The following SLC27A6 variants were observed in gnomAD, a reference collection of about 807,000 sequenced individuals.
SLC27A6 encodes the protein long-chain fatty acid transport protein 6.
SLC27A6 carries 74 observed loss-of-function variants against 63.9 expected under a neutral mutation model. The observed-to-expected ratio is 1.16, with a 90% CI of 0.96 to 1.40. SLC27A6 has a LOEUF of 1.40. Ranked by LOEUF, SLC27A6 falls within the 40% of genes most tolerant of loss-of-function variation. The probability of loss-of-function intolerance (pLI) is 0.00; values close to 1 mark genes in which losing one functional copy is unlikely to be tolerated. For synonymous variants in SLC27A6, 287 were observed against 260.8 expected (o/e 1.10, Z -0.97); for missense variants, 794 against 732.9 (o/e 1.08, Z -0.96).
intron 4 of SLC27A6, among the ~76,000 whole-genome samples, chr5:129,000,331 T>A (rs3851465): frequency 4.6e-5 from 7 of 152,022 alleles, no homozygotes; most frequent in Non-Finnish European, 1.0e-4. Flanking sequence ...AGTTCCATTA[T>A]GTATTATTAT....
chr5:128,972,033 G>C (rs1293850687), intron 1 of SLC27A6, among the ~76,000 whole-genome samples: 1 of 152,084 alleles, frequency 6.6e-6, no homozygotes, highest in Admixed American at 6.6e-5. Flanking sequence ...GCTTAGTTTG[G>C]CTGGATATGA....
In SLC27A6 at chr5:129,033,192, A is replaced by T; in HGVS notation, c.1770A>T (p.Pro590=). The T allele has an allele frequency of 6.2e-7, 1 of 1,607,780 alleles. No individual in the cohort carries two copies. Among genetic ancestry groups the T allele is most frequent in the Non-Finnish European group, 8.5e-7 (1 of 1,176,340 alleles). The change falls in exon 10 of 10, where the codon CCA becomes CCT. Residue 590 remains proline (P), a synonymous_variant. Transcript: ENST00000262462. ...DGFNPLKISE[P]LYFMDNLKKS... is the part of the protein sequence containing the mutation. ...TTAATCCACTGAAAATTTCTGAACC[A>T]CTTTACTTCATGGATAACTTGAAAA...
intron 2 of SLC27A6, among the ~76,000 whole-genome samples, chr5:128,987,987 A>G (rs1002997320): frequency 6.6e-6 from 1 of 152,186 alleles, no homozygotes; most frequent in Non-Finnish European, 1.5e-5. Flanking sequence ...AGTAAAAGTC[A>G]TCATGATATT....
chr5:128,972,924 T>A (rs1453991612), intron 1 of SLC27A6, among the ~76,000 whole-genome samples: 8 of 152,356 alleles, frequency 5.3e-5, no homozygotes, highest in Non-Finnish European at 1.2e-4. Context: ...TGGTCTTTGA[T>A]GATGGTGACC....
Position 129,029,652 on chromosome 5 carries a change from A to T in SLC27A6, c.1628A>T (p.Glu543Val). 1 of 1,601,752 alleles carries T rather than the reference A, an allele frequency of 6.2e-7. No homozygotes were observed. Among genetic ancestry groups the T allele is most frequent in the African/African-American group, 1.3e-5 (1 of 74,228 alleles). ...NTSLDLEKVY[E>V]QVVTFLPAYA... ...TCTTTAGATTTGGAAAAAGTTTATG[A>T]ACAAGTTGTAACATTTCTACCAGCT... is the stretch of plus-strand genomic sequence containing the variant. The change falls in exon 9 of 10, where the codon GAA (glutamate) becomes GTA (valine). Residue 543 changes from glutamate to valine, a missense_variant. Coordinates refer to ENST00000262462, the MANE Select transcript of SLC27A6 (RefSeq NM_001017372.3).
chr5:128,999,186 C>T (rs937206502), intron 4 of SLC27A6, among the ~76,000 whole-genome samples: 2 of 152,154 alleles, frequency 1.3e-5, no homozygotes, highest in Non-Finnish European at 2.9e-5. Context: ...GACTAGAACA[C>T]GGGGTGCTCT....
chr5:129,009,026 C>T (rs548240996), intron 4 of SLC27A6, among the ~76,000 whole-genome samples: 1 of 152,082 alleles, frequency 6.6e-6, no homozygotes, highest in Non-Finnish European at 1.5e-5. Context: ...ACTACCACGC[C>T]CAACTAATTT....
rs556658072 is a variant in SLC27A6, at chr5:129,029,522, T to C, written c.1553-55T>C. The C allele has an allele frequency of 9.3e-5, 114 of 1,228,906 alleles. No homozygotes were observed. In the African/African-American group the frequency reaches 1.2e-3, roughly 13 times the overall value. 76.1% of individuals were successfully genotyped at this position (1,228,906 alleles called of 1,614,324 possible). On this transcript the variant is annotated intron_variant, in intron 8 of 9. Transcript: ENST00000262462. The stretch of plus-strand genomic sequence containing the variant: ...GTGCCAATTAGCATGTACAGAATTA[T>C]CTTTTAAAGTTTATTTGGTACTTAA...
chr5:129,025,859 G>C lies in SLC27A6; in HGVS notation c.1256-1274G>C, dbSNP rs371115052. On this transcript the variant is annotated intron_variant, in intron 6 of 9. Coordinates refer to ENST00000262462, the MANE Select transcript of SLC27A6 (RefSeq NM_001017372.3). Reference sequence around the variant, plus strand: ...GGAGTCGAGTAAAGACTGTTGGCTGGGTGCGGTGGCTCACGCCAGTAATCC... The same window carrying C: ...GGAGTCGAGTAAAGACTGTTGGCTGCGTGCGGTGGCTCACGCCAGTAATCC... Among the ~76,000 whole-genome samples the C allele has an allele frequency of 1.9e-4, 29 of 152,266 alleles. 1 individual carries two copies. The East Asian group carries it at 5.2e-3, about 27-fold the overall frequency.
rs540341240 is a variant in SLC27A6, at chr5:129,027,985, A to G, written c.1455-360A>G. On this transcript the variant is annotated intron_variant, in intron 7 of 9. Coordinates refer to ENST00000262462, the MANE Select transcript of SLC27A6 (RefSeq NM_001017372.3). ...GGTCAGTGTCCTAAAAGACAACTAG[A>G]GCTTTGCTTTCAATTCTTAACACCA... is the stretch of plus-strand genomic sequence containing the variant. Among the ~76,000 whole-genome samples, 21 of 152,198 alleles carry G rather than the reference A, an allele frequency of 1.4e-4. No homozygotes were observed. In the South Asian group the frequency reaches 4.1e-3, roughly 30 times the overall value.
chr5:129,002,581 C>A (rs1445736404), intron 4 of SLC27A6, among the ~76,000 whole-genome samples: 2 of 144,926 alleles, frequency 1.4e-5, no homozygotes, highest in African/African-American at 2.5e-5. Flanking sequence ...TTCGTTCCTT[C>A]CTTCCATAAA....
At chr5:128,986,390 A>G (rs1750786790) in intron 2 of SLC27A6, among the ~76,000 whole-genome samples, 1 of 152,236 alleles carries the variant, frequency 6.6e-6, no homozygotes, top group Non-Finnish European at 1.5e-5. Context: ...TATTAATGGT[A>G]GCCTAAATAG....
intron 1 of SLC27A6, among the ~76,000 whole-genome samples, chr5:128,974,307 A>C (rs948114299): frequency 9.9e-5 from 15 of 152,248 alleles, no homozygotes; most frequent in African/African-American, 3.1e-4. Context: ...GTATTTAAAA[A>C]AGCCACTTTG....
intron 9 of SLC27A6, among the ~76,000 whole-genome samples, chr5:129,032,537 G>A (rs896874953): frequency 6.6e-6 from 1 of 151,964 alleles, no homozygotes; most frequent in Non-Finnish European, 1.5e-5. Flanking sequence ...GTTTGTGACT[G>A]GTGACTAACA....
chr5:128,974,361 G>A lies in SLC27A6; in HGVS notation c.481+7743G>A, dbSNP rs148009440. ...CCAAGACTATTTAGTTGATTGGCTCGGTAAGTAGGTCACTGGAGAAGTCAC... is the reference window on the plus strand; with the variant it reads ...CCAAGACTATTTAGTTGATTGGCTCAGTAAGTAGGTCACTGGAGAAGTCAC... On this transcript the variant is annotated intron_variant, in intron 1 of 9. Transcript: ENST00000262462. 2.2e-3 allele frequency among the ~76,000 whole-genome samples: 342 copies of A among 152,172 alleles called. 2 individuals carry two copies. Among genetic ancestry groups the A allele is most frequent in the African/African-American group, 7.6e-3 (317 of 41,506 alleles).
chr5:128,977,064 C>A, intron 1 of SLC27A6, among the ~76,000 whole-genome samples: 1 of 152,148 alleles, frequency 6.6e-6, no homozygotes, highest in Non-Finnish European at 1.5e-5. Flanking sequence ...CATATCACCA[C>A]CCTCAAAACC....
intron 4 of SLC27A6, among the ~76,000 whole-genome samples, chr5:129,001,084 T>C (rs1236669647): frequency 6.6e-6 from 1 of 152,208 alleles, no homozygotes; most frequent in African/African-American, 2.4e-5. Context: ...CTGTCATCTC[T>C]GAAACCACGG....
intron 1 of SLC27A6, among the ~76,000 whole-genome samples, chr5:128,978,716 A>C (rs1015662003): frequency 6.6e-6 from 1 of 152,234 alleles, no homozygotes. Flanking sequence ...AAGAAACCAC[A>C]CTATTATTTG....
chr5:128,993,116 T>C (rs1751034918), intron 4 of SLC27A6, among the ~76,000 whole-genome samples: 1 of 152,238 alleles, frequency 6.6e-6, no homozygotes, highest in Non-Finnish European at 1.5e-5. Context: ...TCTAAATTGC[T>C]GTTCAACATG....
Sources: allele counts gnomAD v4.1 joint callset (sites outside exome capture counted in the v4.1 genomes callset), GRCh38; gene constraint gnomAD v4.1.1; transcripts MANE v1.5; gene names NCBI Gene and HGNC (gene_info 2026-07-23, HGNC 2026-07-21).